The following PSME4 variants were observed in gnomAD, a reference collection of about 807,000 sequenced individuals.
PSME4 encodes the protein proteasome activator subunit 4, also known as proteasome activator complex subunit 4.
Under a neutral mutation model 253.9 loss-of-function variants are expected in PSME4, and 89 were observed. The observed-to-expected ratio is 0.35, with a 90% CI of 0.30 to 0.42. The LOEUF (loss-of-function observed/expected upper bound fraction) is 0.42. Among genes scored for constraint, PSME4 ranks in the 10% least tolerant of loss-of-function variants. PSME4 has a pLI of 1.00. For missense variants in PSME4, 2,014 were observed against 2,195.2 expected (o/e 0.92, Z 1.65); for synonymous variants, 851 against 759.2 (o/e 1.12, Z -1.99).
intron 26 of PSME4, 27 bp downstream of exon 26, chr2:53,906,571 A>C (rs372297988): frequency 2.0e-4 from 302 of 1,508,772 alleles, no homozygotes; most frequent in Non-Finnish European, 2.6e-4. Flanking sequence ...GGAGGGCATG[A>C]GAGTGCAGCG....
intron 45 of PSME4, 78 bp downstream of exon 45, chr2:53,866,669 G>C (rs1678579326): frequency 2.1e-6 from 3 of 1,460,616 alleles, no homozygotes; most frequent in East Asian, 2.3e-5. Context: ...AGTTCAGAGT[G>C]TATAGGAAAT....
intron 32 of PSME4, 27 bp from the exon 33 acceptor site, chr2:53,895,763 G>T (rs368083147): frequency 6.1e-5 from 94 of 1,539,694 alleles, no homozygotes; most frequent in Non-Finnish European, 7.7e-5. Flanking sequence ...CACATTTGAT[G>T]AATTTAAAAA....
At chr2:53,969,591 A>G (rs190362963) in intron 1 of PSME4, among the ~76,000 whole-genome samples, 1 of 152,306 alleles carries the variant, frequency 6.6e-6, no homozygotes, top group East Asian at 1.9e-4. Context: ...CAAACAAGAT[A>G]CAGCAAAATT....
chr2:53,880,168 AAACTTGGGCTGGGCAGAG>A (rs1341457216), intron 41 of PSME4, among the ~76,000 whole-genome samples: 1 of 152,200 alleles, frequency 6.6e-6, no homozygotes, highest in African/African-American at 2.4e-5. Flanking sequence ...TAAAAGTGGT[AAACTTGGGCTGGGCAGAG>A]TGGCTTATGC....
chr2:53,906,072 G>A (rs1359374433), intron 26 of PSME4, among the ~76,000 whole-genome samples: 1 of 152,118 alleles, frequency 6.6e-6, no homozygotes, highest in Admixed American at 6.5e-5. Flanking sequence ...CATAAAGATA[G>A]AATAATTAGT....
At position 53,867,029 on chromosome 2, in the gene PSME4, T is replaced by C. The variant is rs183329994; in HGVS notation, c.5264-149A>G. 10 of 768,930 alleles carry C rather than the reference T, an allele frequency of 1.3e-5. No homozygotes were observed. The East Asian group carries it at 2.5e-4, about 20-fold the overall frequency. 47.6% of individuals were successfully genotyped at this position (768,930 alleles called of 1,614,324 possible). ...ATCTACATGTAAACACATCAAATAC[T>C]TGATTTTGAGGCTAAACTAAAAATA... On this transcript the variant is annotated intron_variant, in intron 44 of 46. Coordinates refer to ENST00000404125, the MANE Select transcript of PSME4 (RefSeq NM_014614.3).
At chr2:53,904,721 G>C (rs1680568002) in intron 26 of PSME4, among the ~76,000 whole-genome samples, 1 of 152,122 alleles carries the variant, frequency 6.6e-6, no homozygotes, top group African/African-American at 2.4e-5. Context: ...GGGCGCAGTG[G>C]CTCACGTCTG....
At chr2:53,965,810 C>G (rs574616066) in intron 1 of PSME4, among the ~76,000 whole-genome samples, 8 of 152,062 alleles carry the variant, frequency 5.3e-5, no homozygotes, top group African/African-American at 1.9e-4. Context: ...GCTGGGACTA[C>G]AGGCACCCGC....
At chr2:53,928,493 TCA>T (rs1414342945) in intron 10 of PSME4, among the ~76,000 whole-genome samples, 190 bp from the exon 11 acceptor site, 12 of 149,832 alleles carry the variant, frequency 8.0e-5, no homozygotes, top group African/African-American at 3.0e-4. Flanking sequence ...TTCCGTAGTT[TCA>T]GTTAACAAAG....
chr2:53,906,191 G>C (rs559204731), intron 26 of PSME4, among the ~76,000 whole-genome samples: 1 of 152,308 alleles, frequency 6.6e-6, no homozygotes, highest in Admixed American at 6.5e-5. Context: ...TAAAACCCAA[G>C]CTTAATGTCT....
chr2:53,895,414 A>G (rs1490815687), intron 33 of PSME4, among the ~76,000 whole-genome samples, 169 bp downstream of exon 33: 1 of 152,210 alleles, frequency 6.6e-6, no homozygotes, highest in Admixed American at 6.5e-5. Context: ...GCACAAGGAA[A>G]GAGGCAGGAA....
intron 21 of PSME4, among the ~76,000 whole-genome samples, chr2:53,909,821 G>C (rs1667747802): frequency 6.6e-6 from 1 of 152,082 alleles, no homozygotes; most frequent in African/African-American, 2.4e-5. Context: ...ACTTAGCTGG[G>C]CTTGGTGGTG....
At chr2:53,927,888 T>A (rs931894907) in intron 11 of PSME4, among the ~76,000 whole-genome samples, 1 of 152,082 alleles carries the variant, frequency 6.6e-6, no homozygotes, top group Non-Finnish European at 1.5e-5. Context: ...TGGATCACAG[T>A]GCAATGAGCC....
chr2:53,936,291 CT>C lies in PSME4; in HGVS notation c.760-131del, dbSNP rs1027171513. On this transcript the variant is annotated intron_variant, in intron 6 of 46. Transcript: ENST00000404125. ...ATCTACTTAAATAGATAGTTTATGA[CT>C]TTGTTTTTTTTAAAACCTCCAAATT... is the stretch of plus-strand genomic sequence containing the variant. 8 of 1,300,298 alleles carry C rather than the reference CT, an allele frequency of 6.2e-6. No individual in the cohort carries two copies. The African/African-American group carries it at 9.1e-5, about 15-fold the overall frequency. The allele number at this position is 1,300,298 out of a possible 1,614,324, so 80.5% of individuals were successfully genotyped here.
At chr2:53,925,715 T>C in intron 13 of PSME4, 26 bp from the exon 14 acceptor site, 1 of 1,587,014 alleles carries the variant, frequency 6.3e-7, no homozygotes, top group East Asian at 2.3e-5. Flanking sequence ...AAAGCATAAT[T>C]TCAGCAACTA....
intron 40 of PSME4, 23 bp from the exon 41 acceptor site, chr2:53,885,798 G>C (rs764770900): frequency 3.9e-6 from 6 of 1,550,398 alleles, no homozygotes; most frequent in South Asian, 1.1e-5. Context: ...CAAAGATGCA[G>C]AGTAAGTCTT....
intron 7 of PSME4, among the ~76,000 whole-genome samples, chr2:53,935,095 C>T (rs1250893523): frequency 6.6e-6 from 1 of 152,132 alleles, no homozygotes; most frequent in African/African-American, 2.4e-5. Flanking sequence ...TTTTCCTGAG[C>T]TCCTATTCCA....
At chr2:53,960,230 CT>C (rs1257415473) in intron 1 of PSME4, among the ~76,000 whole-genome samples, 3 of 151,628 alleles carry the variant, frequency 2.0e-5, no homozygotes, top group Admixed American at 2.0e-4. Context: ...CGAAACCCAT[CT>C]CTACTAAAAA....
intron 43 of PSME4, among the ~76,000 whole-genome samples, chr2:53,873,056 T>G (rs1186293191): frequency 6.6e-6 from 1 of 151,696 alleles, no homozygotes; most frequent in African/African-American, 2.4e-5. Flanking sequence ...CTGGCTAACA[T>G]GGTGAAACCC....
Sources: allele counts gnomAD v4.1 joint callset (sites outside exome capture counted in the v4.1 genomes callset), GRCh38; gene constraint gnomAD v4.1.1; transcripts MANE v1.5; gene names NCBI Gene and HGNC (gene_info 2026-07-23, HGNC 2026-07-21).